Variants in TMEM59L observed in about 807,000 individuals in gnomAD.
The protein encoded by TMEM59L is transmembrane protein 59 like.
TMEM59L carries 31 observed loss-of-function variants against 39.6 expected under a neutral mutation model. The ratio of observed to expected loss-of-function variants is 0.78; its 90% confidence interval spans 0.59 to 1.06. TMEM59L has a LOEUF of 1.06. Among genes scored for constraint, TMEM59L ranks in the 50% least tolerant of loss-of-function variants. The pLI, the probability that TMEM59L is intolerant of heterozygous loss-of-function variation, is 0.00. For missense variants in TMEM59L, 441 were observed against 451.3 expected, an observed-to-expected ratio of 0.98 and a Z score of 0.21; for synonymous variants, 219 against 202.9, an observed-to-expected ratio of 1.08 and a Z score of -0.68.
chr19:18,615,260 G>A (rs1014692674), intron 3 of TMEM59L, among the ~76,000 whole-genome samples: 30 of 152,322 alleles, frequency 2.0e-4, no homozygotes, highest in African/African-American at 6.3e-4. Context: ...TGGGATTACA[G>A]GCATGAGCCA....
At chr19:18,614,338 C>A (rs778146210) in intron 3 of TMEM59L, 143 bp downstream of exon 3, 1 of 881,628 alleles carries the variant, frequency 1.1e-6, no homozygotes, top group Non-Finnish European at 1.7e-6. Flanking sequence ...CATCCAGCCC[C>A]GTCATGTCTC....
In TMEM59L at chr19:18,614,199, G is replaced by A; in HGVS notation, c.408+4G>A. 1 of 1,590,858 alleles carries A rather than the reference G, an allele frequency of 6.3e-7. No individual in the cohort carries two copies. ...GGAGCCTGAGCCGGAGCAGAAGGTG[G>A]GCCTCCCACTGCGGCCTGGGGTCCC... On this transcript the variant is annotated splice_donor_region_variant and intron_variant, in intron 3 of 7. Transcript: ENST00000262817.
intron 7 of TMEM59L, 84 bp from the exon 8 acceptor site, chr19:18,620,324 T>C (rs749112795): frequency 4.5e-6 from 6 of 1,344,796 alleles, no homozygotes; most frequent in Non-Finnish European, 6.0e-6. Context: ...AATAAAACAA[T>C]CAGAGGTGGG....
In TMEM59L at chr19:18,614,185, C is replaced by T. The variant is rs768263790; in HGVS notation, c.398C>T (p.Pro133Leu). The part of the protein sequence containing the change: ...GCWSQPAEPE[P>L]EQKRKVLEAP... ...TGGAGCCAGCCCGCGGAGCCTGAGC[C>T]GGAGCAGAAGGTGGGCCTCCCACTG... is the stretch of plus-strand genomic sequence containing the variant. Residue 133 changes from proline to leucine, a missense_variant, in exon 3 of 8, where the codon CCG becomes CTG. Coordinates refer to ENST00000262817, the MANE Select transcript of TMEM59L (RefSeq NM_012109.3). 10 of 1,599,690 alleles carry T rather than the reference C, an allele frequency of 6.3e-6. No individual in the cohort carries two copies. Among genetic ancestry groups the T allele is most frequent in the Non-Finnish European group, 6.8e-6 (8 of 1,175,128 alleles).
chr19:18,613,694 C>T (rs2145346913), intron 1 of TMEM59L, among the ~76,000 whole-genome samples, 178 bp from the exon 2 acceptor site: 1 of 152,316 alleles, frequency 6.6e-6, no homozygotes, highest in Middle Eastern at 3.4e-3. Context: ...TCCCCATCTC[C>T]CTCCTCAGAG....
intron 3 of TMEM59L, 94 bp downstream of exon 3, chr19:18,614,289 C>T: frequency 7.2e-7 from 1 of 1,386,060 alleles, no homozygotes; most frequent in Non-Finnish European, 9.8e-7. Context: ...GAGGCTCTGC[C>T]AGACTCTGCG....
At chr19:18,617,252 C>T in intron 5 of TMEM59L, 150 bp downstream of exon 5, 2 of 706,914 alleles carry the variant, frequency 2.8e-6, no homozygotes, top group Non-Finnish European at 5.1e-6. Flanking sequence ...TGGTCTATTT[C>T]CCAGGGTTCC....
intron 7 of TMEM59L, 34 bp from the exon 8 acceptor site, chr19:18,620,374 C>T (rs1044992477): frequency 1.3e-6 from 2 of 1,577,882 alleles, no homozygotes; most frequent in South Asian, 1.1e-5. Flanking sequence ...CTCTCCCCGT[C>T]CCTCCACTTC....
In TMEM59L at chr19:18,618,210, C is replaced by T. The variant is rs1313529383; in HGVS notation, c.720C>T (p.Ser240=). The T allele has an allele frequency of 4.7e-5, 75 of 1,611,832 alleles. No homozygotes were observed. Among genetic ancestry groups the T allele is most frequent in the Non-Finnish European group, 6.4e-5 (75 of 1,179,892 alleles). Residue 240 remains serine (S), a synonymous_variant, in exon 6 of 8, where the codon AGC becomes AGT. Transcript: ENST00000262817. The stretch of plus-strand genomic sequence containing the variant: ...AGGCCAAGATCCGAGTCAAGACCAG[C>T]AGCAAGGCCAAGGTGGAGTCTGAAG... The part of the protein sequence containing the change: ...VRKAKIRVKT[S]SKAKVESEEP...
In TMEM59L at chr19:18,618,673, GTATA is replaced by G. The variant is rs71339270; in HGVS notation, c.900+194_900+197del. 3.3e-4 allele frequency among the ~76,000 whole-genome samples: 23 copies of G among 69,026 alleles called. 1 individual carries two copies. Among genetic ancestry groups the G allele is most frequent in the African/African-American group, 8.5e-4 (23 of 27,098 alleles). The allele number at this position is 69,026 out of a possible 152,430, so 45.3% of individuals were successfully genotyped here. A position where few individuals can be genotyped will look rare whatever the true frequency, so the allele number is the denominator to read the frequency against. ...TGTGTGTGTGTGTGTGTGTGTGTGTGTATATATATATATATAATATATATATATA... is the reference window on the plus strand; with the variant it reads ...TGTGTGTGTGTGTGTGTGTGTGTGTGTATATATATATAATATATATATATA... On this transcript the variant is annotated intron_variant, in intron 7 of 7. Transcript: ENST00000262817.
At chr19:18,614,072 C>G (rs111425749) in intron 2 of TMEM59L, 32 bp from the exon 3 acceptor site, 5 of 1,612,590 alleles carry the variant, frequency 3.1e-6, no homozygotes, top group Non-Finnish European at 4.2e-6. Flanking sequence ...TGGGAAGGGC[C>G]GTCCCCAGTC....
At chr19:18,618,302 G>T (rs766463877) in intron 6 of TMEM59L, 30 bp downstream of exon 6, 2 of 556,646 alleles carry the variant, frequency 3.6e-6, no homozygotes, top group South Asian at 2.9e-5. Context: ...GGGTGGGAGG[G>T]GGGTGGGACT....
chr19:18,619,528 G>T (rs1976470082), intron 7 of TMEM59L, among the ~76,000 whole-genome samples: 3 of 152,106 alleles, frequency 2.0e-5, no homozygotes, highest in African/African-American at 7.2e-5. Context: ...GATGTGGCTG[G>T]GCATGGTGGC....
At chr19:18,615,902 C>A in intron 3 of TMEM59L, 73 bp from the exon 4 acceptor site, 1 of 1,553,256 alleles carries the variant, frequency 6.4e-7, no homozygotes, top group Non-Finnish European at 8.7e-7. Flanking sequence ...GCCACCACAT[C>A]CTGCCCCCTC....
At chr19:18,616,649 T>A (rs1002222721) in intron 4 of TMEM59L, among the ~76,000 whole-genome samples, 2 of 152,178 alleles carry the variant, frequency 1.3e-5, no homozygotes, top group Non-Finnish European at 1.5e-5. Context: ...TGCCTCGGCC[T>A]CCCAAAGTGC....
intron 3 of TMEM59L, among the ~76,000 whole-genome samples, chr19:18,615,510 C>A (rs1269890446): frequency 6.6e-6 from 1 of 152,260 alleles, no homozygotes; most frequent in East Asian, 1.9e-4. Context: ...AACTGCCACG[C>A]TGAGATCTGT....
In TMEM59L at chr19:18,613,127, C is replaced by T. The variant is rs1600663579; in HGVS notation, c.169C>T (p.Gln57Ter). 4 of 1,289,568 alleles carry T rather than the reference C, an allele frequency of 3.1e-6. No homozygotes were observed. The highest frequency in any genetic ancestry group is 3.9e-6 in the Non-Finnish European group (4 of 1,022,358). 79.9% of individuals were successfully genotyped at this position (1,289,568 alleles called of 1,614,324 possible). The stretch of plus-strand genomic sequence containing the variant: ...CCGCGACCTCGGCCCGCAGCCCTCG[C>T]AGGTGAGGCGCGTGCGGTGCCAGGT... ...RDRDLGPQPSQAGLEGASESP... is the reference protein window; with the variant it reads ...RDRDLGPQPS The change falls in exon 1 of 8, where the codon CAG becomes TAG. Residue 57 changes from glutamine to a stop codon, truncating the protein, a stop_gained and splice_region_variant. Transcript: ENST00000262817. LOFTEE classifies it high-confidence loss of function.
Position 18,613,962 on chromosome 19 carries a change from C to G in TMEM59L, c.262C>G (p.Arg88Gly). 6.2e-7 allele frequency: 1 copy of G among 1,613,378 alleles called. No homozygotes were observed. Among genetic ancestry groups the G allele is most frequent in the Non-Finnish European group, 8.5e-7 (1 of 1,180,034 alleles). ...TGGCTGCCGCCTCTTCTCCATCTGC[C>G]GATTTGTGGCCAGAAGCTCCAAGCC... ...ERGCRLFSICRFVARSSKPNA... is the reference protein window; with the variant it reads ...ERGCRLFSICGFVARSSKPNA... Residue 88 changes from arginine to glycine, a missense_variant, in exon 2 of 8, where the codon CGA becomes GGA. By Grantham distance (125) the Arg-to-Gly change is moderately radical (BLOSUM62 -2). Coordinates refer to ENST00000262817, the MANE Select transcript of TMEM59L (RefSeq NM_012109.3).
rs1221867038 is a variant in TMEM59L, at chr19:18,613,926, G to C, written c.226G>C (p.Ala76Pro). Residue 76 changes from alanine to proline, a missense_variant, in exon 2 of 8, where the codon GCT becomes CCT. Coordinates refer to ENST00000262817, the MANE Select transcript of TMEM59L (RefSeq NM_012109.3). ...SPYDRAVLIS[A>P]CERGCRLFSI... Reference sequence around the variant, plus strand: ...CTATGACAGAGCCGTTCTGATCAGCGCTTGCGAGCGTGGCTGCCGCCTCTT... The same window carrying C: ...CTATGACAGAGCCGTTCTGATCAGCCCTTGCGAGCGTGGCTGCCGCCTCTT... The C allele has an allele frequency of 2.5e-6, 4 of 1,613,084 alleles. No homozygotes were observed. In the East Asian group the frequency reaches 6.7e-5, roughly 27 times the overall value.
Sources: gnomAD v4.1 joint callset for allele counts (sites outside exome capture counted in the v4.1 genomes callset) on GRCh38, gnomAD v4.1.1 for gene constraint, MANE v1.5 for transcripts, NCBI Gene and HGNC (gene_info 2026-07-23, HGNC 2026-07-21) for gene names.